Variants in SCARB2 observed in about 807,000 individuals in gnomAD.
The protein encoded by SCARB2 is scavenger receptor class B member 2.
SCARB2 carries 29 observed loss-of-function variants against 58.6 expected under a neutral mutation model. The ratio of observed to expected loss-of-function variants is 0.49; its 90% CI spans 0.37 to 0.67. The LOEUF is 0.67. Among genes scored for constraint, SCARB2 ranks in the 30% least tolerant of loss-of-function variants. SCARB2 has a pLI of 0.00. For synonymous variants in SCARB2, 195 were observed against 210.1 expected (o/e 0.93, Z 0.62); for missense variants, 488 against 578.5 (o/e 0.84, Z 1.60).
At chr4:76,234,516 G>C (rs1262211100) in exon 1 of SCARB2, 1 of 152,130 alleles carries the variant, frequency 6.6e-6, no homozygotes, top group East Asian at 1.9e-4. Context: ...CCTGCTTTAC[G>C]GTTGGAATCC....
At chr4:76,168,812 A>G (rs548878545) in intron 8 of SCARB2, among the ~76,000 whole-genome samples, 8 of 152,262 alleles carry the variant, frequency 5.3e-5, no homozygotes, top group Non-Finnish European at 1.2e-4. Flanking sequence ...AAGGGATCCA[A>G]CAGGAAGGAG....
upstream of SCARB2, chr4:76,217,710 C>A: frequency 1.8e-6 from 1 of 554,388 alleles, no homozygotes; most frequent in Non-Finnish European, 3.3e-6. Context: ...GCAACACAAA[C>A]AGACAAGGGC....
chr4:76,193,315 G>A (rs1230488379), intron 2 of SCARB2: 1 of 152,324 alleles, frequency 6.6e-6, no homozygotes, highest in East Asian at 1.9e-4. Flanking sequence ...CCTGCTCCAA[G>A]GGCAGAGCCC....
chr4:76,173,328 CTTTT>C lies in SCARB2; in HGVS notation c.994+812_994+815del, dbSNP rs3064566. On this transcript the variant is annotated intron_variant, in intron 7 of 11. Transcript: ENST00000264896. ...CTGAGTTGTCCACTTTTTCTTTTAGCTTTTTTTTTTTTTTGGTGGGGAGGTGCGG... is the reference window on the plus strand; with the variant it reads ...CTGAGTTGTCCACTTTTTCTTTTAGCTTTTTTTTTTGGTGGGGAGGTGCGG... 499 of 145,712 alleles carry C rather than the reference CTTTT, an allele frequency of 3.4e-3. 8 individuals are homozygous for C. The highest frequency in any genetic ancestry group is 0.011 in the African/African-American group (444 of 39,474). The allele number at this position is 145,712 out of a possible 1,614,324, so 9.0% of individuals were successfully genotyped here.
At chr4:76,206,123 G>A (rs1330014389) in intron 1 of SCARB2, among the ~76,000 whole-genome samples, 2 of 152,166 alleles carry the variant, frequency 1.3e-5, no homozygotes, top group Admixed American at 6.5e-5. Flanking sequence ...GAGCTCATTT[G>A]CCATGTGAGG....
rs193301463 is a variant in SCARB2, at chr4:76,170,533, T to G, written c.995-548A>C. Among the ~76,000 whole-genome samples the G allele has an allele frequency of 5.9e-3, 891 of 152,076 alleles. 10 individuals are homozygous for G. The highest frequency in any genetic ancestry group is 0.02 in the African/African-American group (836 of 41,360). On this transcript the variant is annotated intron_variant, in intron 7 of 11. Coordinates refer to ENST00000264896, the MANE Select transcript of SCARB2 (RefSeq NM_005506.4). ...CTTTTTAAAATTAAAAAAAAATTTT[T>G]GGTGGTTTTTTGTTTTGTTTTGTTT... is the stretch of plus-strand genomic sequence containing the variant.
At chr4:76,181,862 G>C (rs565110719) in intron 2 of SCARB2, among the ~76,000 whole-genome samples, 2 of 152,130 alleles carry the variant, frequency 1.3e-5, no homozygotes, top group African/African-American at 2.4e-5. Flanking sequence ...TACCACACCC[G>C]GTCTCTGTTT....
rs1731873483 is a variant in SCARB2, at chr4:76,160,524, A to G, written c.*1189T>C. 1 of 152,250 alleles carries G rather than the reference A, an allele frequency of 6.6e-6. No individual in the cohort carries two copies. Among genetic ancestry groups the G allele is most frequent in the Non-Finnish European group, 1.5e-5 (1 of 68,048 alleles). The allele number at this position is 152,250 out of a possible 1,614,324, so 9.4% of individuals were successfully genotyped here. A position where few individuals can be genotyped will look rare whatever the true frequency, so the allele number is the denominator to read the frequency against. ...ACCTTTCTTTAAAGTACTTTGTGCA[A>G]TATTTTAAACATCCATCATTCTGTC... On this transcript the variant is annotated 3_prime_UTR_variant, in exon 12 of 12. Transcript: ENST00000264896.
intron 3 of SCARB2, chr4:76,180,140 A>G (rs1031462115): frequency 4.3e-6 from 1 of 231,982 alleles, no homozygotes; most frequent in Non-Finnish European, 8.6e-6. Flanking sequence ...CCAGCTGCAT[A>G]TGGAGCGGTC....
chr4:76,213,609 A>G lies in SCARB2; in HGVS notation c.-66T>C. On this transcript the variant is annotated 5_prime_UTR_variant, in exon 1 of 12. Transcript: ENST00000264896. The stretch of plus-strand genomic sequence containing the variant: ...AGGGATCCAACTGCAAGGAGGGAGG[A>G]GCCGCCGCAGAGGCGTCGAAGACCC... 5 of 1,355,382 alleles carry G rather than the reference A, an allele frequency of 3.7e-6. No individual in the cohort carries two copies. The East Asian group carries it at 7.0e-5, about 19-fold the overall frequency. 84.0% of individuals were successfully genotyped at this position (1,355,382 alleles called of 1,614,324 possible).
At chr4:76,163,151 C>T in intron 11 of SCARB2, 74 bp downstream of exon 11, 4 of 1,583,022 alleles carry the variant, frequency 2.5e-6, no homozygotes, top group Non-Finnish European at 3.5e-6. Flanking sequence ...GCTGACAGCC[C>T]TTCAGTGAAG....
chr4:76,216,543 G>C (rs979521609), upstream of SCARB2, among the ~76,000 whole-genome samples: 1 of 152,160 alleles, frequency 6.6e-6, no homozygotes, highest in African/African-American at 2.4e-5. Context: ...CTTCTCTCTT[G>C]TCTGGGCCAC....
At chr4:76,196,052 A>T (rs1732705953) in intron 1 of SCARB2, among the ~76,000 whole-genome samples, 188 bp from the exon 2 acceptor site, 1 of 152,252 alleles carries the variant, frequency 6.6e-6, no homozygotes, top group Admixed American at 6.5e-5. Flanking sequence ...CACAGTTCTA[A>T]TAAGTCAGAG....
chr4:76,213,082 T>C, intron 1 of SCARB2: 1 of 353,012 alleles, frequency 2.8e-6, no homozygotes. Flanking sequence ...CATTCAGTTC[T>C]GTTTCTTCAT....
chr4:76,188,852 A>G (rs61079077), intron 2 of SCARB2, among the ~76,000 whole-genome samples: 3,506 of 152,276 alleles, frequency 0.023, 122 homozygotes, highest in African/African-American at 0.08. Context: ...CGACCCACTC[A>G]GCCCTGTAAG....
chr4:76,189,853 T>C (rs1732567481), intron 2 of SCARB2, among the ~76,000 whole-genome samples: 2 of 152,010 alleles, frequency 1.3e-5, no homozygotes, highest in South Asian at 4.2e-4. Context: ...AGCATGAGGG[T>C]AGCTGCCCCC....
At chr4:76,174,445 G>C (rs2109942213) in intron 6 of SCARB2, 132 bp from the exon 7 acceptor site, 1 of 774,474 alleles carries the variant, frequency 1.3e-6, no homozygotes, top group Non-Finnish European at 2.2e-6. Flanking sequence ...AGGAATGTTT[G>C]GAAGGCATTC....
chr4:76,201,351 T>G (rs1732824769), intron 1 of SCARB2, among the ~76,000 whole-genome samples: 1 of 152,214 alleles, frequency 6.6e-6, no homozygotes. Flanking sequence ...TCATTAGTCT[T>G]TAGTGTCAGA....
chr4:76,194,428 T>A (rs1312976304), intron 2 of SCARB2: 1 of 152,164 alleles, frequency 6.6e-6, no homozygotes, highest in Non-Finnish European at 1.5e-5. Flanking sequence ...TTTATCCCCA[T>A]TTTATAGATA....
Sources: allele counts gnomAD v4.1 joint callset (sites outside exome capture counted in the v4.1 genomes callset), GRCh38; gene constraint gnomAD v4.1.1; transcripts MANE v1.5; gene names NCBI Gene and HGNC (gene_info 2026-07-23, HGNC 2026-07-21).